The following GCNT1 variants were observed in gnomAD, a reference collection of about 807,000 sequenced individuals.
The protein encoded by GCNT1 is beta-1,3-galactosyl-O-glycosyl-glycoprotein beta-1,6-N-acetylglucosaminyltransferase.
A neutral mutation model predicts 26.2 loss-of-function variants in GCNT1; 16 were observed. That is an observed-to-expected ratio of 0.61 (90% CI 0.41 to 0.93). GCNT1 has a LOEUF of 0.93. Among genes scored for constraint, GCNT1 ranks in the 40% least tolerant of loss-of-function variants. The pLI is 0.00. For synonymous variants in GCNT1, 183 were observed against 190.8 expected (o/e 0.96, Z 0.34); for missense variants, 477 against 526.7 (o/e 0.91, Z 0.92).
At chr9:76,402,437 G>A in the GCNT1 span, among the ~76,000 whole-genome samples, 1 of 152,090 alleles carries the variant, frequency 6.6e-6, no homozygotes, top group Admixed American at 6.6e-5. Context: ...ACCTTTTGAA[G>A]CACACAAATT....
intron 2 of GCNT1, among the ~76,000 whole-genome samples, chr9:76,469,299 G>T (rs62565109): frequency 6.6e-6 from 1 of 152,088 alleles, no homozygotes; most frequent in Non-Finnish European, 1.5e-5. Flanking sequence ...GAAGGTAACC[G>T]CATCCACCTT....
At chr9:76,454,316 C>T (rs1240696880), upstream of GCNT1, among the ~76,000 whole-genome samples, 1 of 136,186 alleles carries the variant, frequency 7.3e-6, no homozygotes, top group Non-Finnish European at 1.5e-5. Context: ...GCGGAGGTTG[C>T]AGTGAGCTGA....
chr9:76,439,523 C>T (rs1387061387), upstream of GCNT1, among the ~76,000 whole-genome samples: 2 of 150,252 alleles, frequency 1.3e-5, no homozygotes. Flanking sequence ...CCATGCCTGG[C>T]CCCATTTGTG....
chr9:76,434,726 T>C (rs1823384539), intron 1 of GCNT1, among the ~76,000 whole-genome samples: 1 of 152,226 alleles, frequency 6.6e-6, no homozygotes, highest in African/African-American at 2.4e-5. Flanking sequence ...ATTTTTCTTC[T>C]TGCAGAGAGC....
intron 1 of GCNT1, among the ~76,000 whole-genome samples, chr9:76,451,289 G>T (rs1333736607): frequency 6.6e-6 from 1 of 152,170 alleles, no homozygotes; most frequent in Non-Finnish European, 1.5e-5. Context: ...ATCATAAAAG[G>T]ATGAGGAGAG....
intron 1 of GCNT1, among the ~76,000 whole-genome samples, chr9:76,447,715 G>A (rs1823600161): frequency 6.6e-6 from 1 of 152,206 alleles, no homozygotes; most frequent in Non-Finnish European, 1.5e-5. Context: ...TATGGAGGAT[G>A]TTTATTAAAT....
intron 1 of GCNT1, among the ~76,000 whole-genome samples, chr9:76,430,218 G>A (rs1823317963): frequency 1.3e-5 from 2 of 152,120 alleles, no homozygotes; most frequent in Non-Finnish European, 2.9e-5. Context: ...GGCAGTGGGT[G>A]AAAGTTCTAT....
In GCNT1 at chr9:76,462,401, C is replaced by G. The variant is rs959606412; in HGVS notation, c.-290+2224C>G. Among the ~76,000 whole-genome samples, 4 of 152,280 alleles carry G rather than the reference C, an allele frequency of 2.6e-5. 1 individual carries two copies. In the South Asian group the frequency reaches 8.3e-4, roughly 32 times the overall value. ...AGGCAAATGCCATATATGTTTAGACCAGCCTTTCTCAATTGTGGCACTTTT... is the reference window on the plus strand; with the variant it reads ...AGGCAAATGCCATATATGTTTAGACGAGCCTTTCTCAATTGTGGCACTTTT... On this transcript the variant is annotated intron_variant, in intron 2 of 3. Coordinates refer to ENST00000376730, the MANE Select transcript of GCNT1 (RefSeq NM_001490.5).
chr9:76,434,271 A>G (rs762359187), intron 1 of GCNT1, among the ~76,000 whole-genome samples: 3 of 152,182 alleles, frequency 2.0e-5, no homozygotes, highest in Non-Finnish European at 4.4e-5. Context: ...AACAGAAGCT[A>G]TGACACCAGG....
chr9:76,437,265 C>G (rs1823422141), upstream of GCNT1, among the ~76,000 whole-genome samples: 1 of 152,168 alleles, frequency 6.6e-6, no homozygotes, highest in South Asian at 2.1e-4. Context: ...GTTCAGCATT[C>G]TAAGTCACAG....
chr9:76,395,842 A>G, the GCNT1 span, among the ~76,000 whole-genome samples: 1 of 152,220 alleles, frequency 6.6e-6, no homozygotes, highest in Non-Finnish European at 1.5e-5. Context: ...TATTTTAGCA[A>G]GGTGTGTACA....
At chr9:76,395,428 A>G in the GCNT1 span, among the ~76,000 whole-genome samples, 1 of 152,118 alleles carries the variant, frequency 6.6e-6, no homozygotes. Context: ...CTGATATTAA[A>G]TTTATGTTCT....
chr9:76,445,550 G>A (rs1823561991), intron 1 of GCNT1, among the ~76,000 whole-genome samples: 1 of 151,710 alleles, frequency 6.6e-6, no homozygotes, highest in African/African-American at 2.4e-5. Flanking sequence ...ACCAAGCCCA[G>A]CTAATTTTTG....
chr9:76,501,989 T>C (rs1825081959), intron 3 of GCNT1: 1 of 152,204 alleles, frequency 6.6e-6, no homozygotes, highest in Non-Finnish European at 1.5e-5. Flanking sequence ...TTGGGGTTTG[T>C]TTTTTCTTTT....
chr9:76,435,029 G>A (rs1823389358), intron 1 of GCNT1, among the ~76,000 whole-genome samples: 1 of 152,194 alleles, frequency 6.6e-6, no homozygotes, highest in South Asian at 2.1e-4. Flanking sequence ...TACGTGCACA[G>A]CTGAACATAG....
chr9:76,414,935 C>A (rs1180376381), upstream of GCNT1, among the ~76,000 whole-genome samples: 1 of 152,136 alleles, frequency 6.6e-6, no homozygotes, highest in Non-Finnish European at 1.5e-5. Flanking sequence ...GGATGGCAGC[C>A]AAGCAGGTCT....
intron 1 of GCNT1, among the ~76,000 whole-genome samples, chr9:76,443,892 A>AG (rs755735617): frequency 1.5e-4 from 12 of 78,216 alleles, no homozygotes; most frequent in Middle Eastern, 5.9e-3. Flanking sequence ...AAAGAAAGAA[A>AG]GAAAGAAAGG....
upstream of GCNT1, among the ~76,000 whole-genome samples, chr9:76,416,415 T>C (rs951561626): frequency 6.6e-6 from 1 of 152,180 alleles, no homozygotes; most frequent in African/African-American, 2.4e-5. Flanking sequence ...GAGAGTAAAA[T>C]GCTGTCGTGC....
upstream of GCNT1, among the ~76,000 whole-genome samples, chr9:76,416,269 C>T (rs371473019): frequency 1.2e-3 from 186 of 152,298 alleles, 1 homozygote; most frequent in African/African-American, 4.2e-3. Flanking sequence ...CTTCCCACTC[C>T]ATCCCCTTTC....
Sources: allele counts gnomAD v4.1 joint callset (sites outside exome capture counted in the v4.1 genomes callset), GRCh38; gene constraint gnomAD v4.1.1; transcripts MANE v1.5; gene names NCBI Gene and HGNC (gene_info 2026-07-23, HGNC 2026-07-21).